Variants in PRKG1 observed in about 807,000 individuals in gnomAD.
PRKG1 encodes the protein protein kinase cGMP-dependent 1.
A neutral mutation model predicts 88.1 loss-of-function variants in PRKG1; 35 were observed. That is an observed-to-expected ratio of 0.40 (90% CI 0.30 to 0.53). PRKG1 has a LOEUF of 0.53. PRKG1 is among the 20% of genes least tolerant of loss of function. The probability of loss-of-function intolerance (pLI) is 0.59; values close to 1 mark genes in which losing one functional copy is unlikely to be tolerated. For synonymous variants in PRKG1, 303 were observed against 292.5 expected, an observed-to-expected ratio of 1.04 and a Z score of -0.37; for missense variants, 540 against 839.8, an observed-to-expected ratio of 0.64 and a Z score of 4.41.
At chr10:51,651,076 A>G (rs1014088512) in intron 3 of PRKG1, among the ~76,000 whole-genome samples, 1 of 152,218 alleles carries the variant, frequency 6.6e-6, no homozygotes. Context: ...ATTCTGCTAA[A>G]CATTCTACAA....
At chr10:51,775,397 G>C (rs187383710) in intron 3 of PRKG1, among the ~76,000 whole-genome samples, 3 of 152,136 alleles carry the variant, frequency 2.0e-5, no homozygotes, top group Admixed American at 6.5e-5. Context: ...ATTTCAAATA[G>C]ATGCTCCCCA....
chr10:51,209,290 C>T (rs777901342), intron 2 of PRKG1, among the ~76,000 whole-genome samples: 6 of 152,126 alleles, frequency 3.9e-5, no homozygotes, highest in Admixed American at 1.3e-4. Flanking sequence ...TCATACCGAT[C>T]GCTTAACTGA....
chr10:52,014,387 A>T (rs1161222426), intron 5 of PRKG1, among the ~76,000 whole-genome samples: 1 of 152,114 alleles, frequency 6.6e-6, no homozygotes, highest in Non-Finnish European at 1.5e-5. Context: ...ATGAGAACTC[A>T]TGCACTATCC....
intron 7 of PRKG1, among the ~76,000 whole-genome samples, chr10:52,091,562 T>C (rs909613767): frequency 1.3e-5 from 2 of 152,200 alleles, no homozygotes; most frequent in Non-Finnish European, 2.9e-5. Flanking sequence ...GTTCCTAACA[T>C]GTGGACAAAT....
intron 4 of PRKG1, among the ~76,000 whole-genome samples, chr10:51,809,381 GTCA>G (rs912319082): frequency 4.6e-5 from 7 of 152,006 alleles, no homozygotes; most frequent in Non-Finnish European, 8.8e-5. Context: ...AGCATTTTCT[GTCA>G]TCTTTGGCTA....
At chr10:51,935,220 T>C (rs1298571522) in intron 5 of PRKG1, among the ~76,000 whole-genome samples, 1 of 152,148 alleles carries the variant, frequency 6.6e-6, no homozygotes, top group East Asian at 1.9e-4. Flanking sequence ...AGCTTCTAAA[T>C]CTTAGAGAAG....
chr10:52,166,566 T>C (rs1838445774), intron 9 of PRKG1, among the ~76,000 whole-genome samples: 1 of 147,952 alleles, frequency 6.8e-6, no homozygotes, highest in Non-Finnish European at 1.5e-5. Flanking sequence ...CCCAAGTAGC[T>C]GGGACTACAG....
At chr10:51,214,607 A>G (rs528541981) in intron 2 of PRKG1, among the ~76,000 whole-genome samples, 71 of 151,670 alleles carry the variant, frequency 4.7e-4, no homozygotes, top group African/African-American at 1.6e-3. Context: ...TCTACTTCCT[A>G]TCTGGGGCCA....
At chr10:51,241,396 A>C (rs1308433014) in intron 2 of PRKG1, among the ~76,000 whole-genome samples, 3 of 152,180 alleles carry the variant, frequency 2.0e-5, no homozygotes, top group Middle Eastern at 6.3e-3. Flanking sequence ...AGATGTTAGC[A>C]AACATTTATT....
intron 1 of PRKG1, among the ~76,000 whole-genome samples, chr10:51,119,179 C>T (rs748624778): frequency 1.3e-5 from 2 of 151,986 alleles, no homozygotes; most frequent in Non-Finnish European, 2.9e-5. Context: ...TATGGTGTCC[C>T]TATTCAGTTA....
chr10:51,604,848 T>C (rs1838716263), intron 3 of PRKG1, among the ~76,000 whole-genome samples: 1 of 152,240 alleles, frequency 6.6e-6, no homozygotes, highest in Non-Finnish European at 1.5e-5. Context: ...CTTTCAGCTA[T>C]GCCATCTGCA....
chr10:51,562,231 A>AAG (rs1837484422), intron 3 of PRKG1, among the ~76,000 whole-genome samples: 1 of 152,002 alleles, frequency 6.6e-6, no homozygotes, highest in Non-Finnish European at 1.5e-5. Flanking sequence ...CTCAAAAAAA[A>AAG]AAAAATGCTA....
At chr10:51,049,139 C>T (rs904577363) in intron 1 of PRKG1, among the ~76,000 whole-genome samples, 1 of 152,176 alleles carries the variant, frequency 6.6e-6, no homozygotes, top group African/African-American at 2.4e-5. Flanking sequence ...TGCCCAGAAA[C>T]ATCACAAGTC....
In PRKG1 at chr10:51,561,938, G is replaced by A. The variant is rs115702088; in HGVS notation, c.592+94102G>A. Among the ~76,000 whole-genome samples, 833 of 152,096 alleles carry A rather than the reference G, an allele frequency of 5.5e-3. 8 individuals carry two copies. Among genetic ancestry groups the A allele is most frequent in the African/African-American group, 0.019 (797 of 41,496 alleles). On this transcript the variant is annotated intron_variant, in intron 3 of 17. Transcript: ENST00000373980. Reference sequence around the variant, plus strand: ...ATATAGAACTGGTTTAATACAAAAGGCTGGCTGGGCACAGTGACTCATGCC... The same window carrying A: ...ATATAGAACTGGTTTAATACAAAAGACTGGCTGGGCACAGTGACTCATGCC...
At chr10:52,183,457 A>G (rs1839099086) in intron 9 of PRKG1, among the ~76,000 whole-genome samples, 1 of 152,184 alleles carries the variant, frequency 6.6e-6, no homozygotes, top group Non-Finnish European at 1.5e-5. Flanking sequence ...TGGCTGTCTC[A>G]AGGGCAGGTT....
At chr10:52,131,525 G>A (rs1589633750) in intron 7 of PRKG1, among the ~76,000 whole-genome samples, 1 of 151,816 alleles carries the variant, frequency 6.6e-6, no homozygotes, top group South Asian at 2.1e-4. Flanking sequence ...TTAAGAACTC[G>A]TGGCAGGAGG....
At chr10:51,495,036 T>C (rs1840812196) in intron 3 of PRKG1, among the ~76,000 whole-genome samples, 1 of 152,148 alleles carries the variant, frequency 6.6e-6, no homozygotes, top group Non-Finnish European at 1.5e-5. Flanking sequence ...AAAATTGTTT[T>C]TGTTAGTTTT....
chr10:51,042,265 A>G (rs1843434278), intron 1 of PRKG1, among the ~76,000 whole-genome samples: 1 of 152,228 alleles, frequency 6.6e-6, no homozygotes, highest in Non-Finnish European at 1.5e-5. Flanking sequence ...GCTTTCACGC[A>G]GTAAAAATAT....
At chr10:51,482,208 A>G (rs192381138) in intron 3 of PRKG1, among the ~76,000 whole-genome samples, 1 of 152,314 alleles carries the variant, frequency 6.6e-6, no homozygotes, top group African/African-American at 2.4e-5. Flanking sequence ...TTTAAACTCA[A>G]GTATGAACGA....
Sources: gnomAD v4.1 joint callset for allele counts (sites outside exome capture counted in the v4.1 genomes callset) on GRCh38, gnomAD v4.1.1 for gene constraint, MANE v1.5 for transcripts, NCBI Gene and HGNC (gene_info 2026-07-23, HGNC 2026-07-21) for gene names.